The following RIMS2 variants were observed in gnomAD, a reference collection of about 807,000 sequenced individuals.
The protein encoded by RIMS2 is regulating synaptic membrane exocytosis 2.
In RIMS2, 59 loss-of-function variants were observed where a neutral mutation model predicts 174.4. That is an observed-to-expected ratio of 0.34 (90% CI 0.27 to 0.42). The LOEUF (loss-of-function observed/expected upper bound fraction) is 0.42, where lower values mean the gene tolerates loss of function less well. Among genes scored for constraint, RIMS2 ranks in the 10% least tolerant of loss-of-function variants. The pLI, the probability that RIMS2 is intolerant of heterozygous loss-of-function variation, is 1.00. For missense variants in RIMS2, 1,620 were observed against 1,666.3 expected (o/e 0.97, Z 0.48); for synonymous variants, 606 against 572.5 (o/e 1.06, Z -0.84).
At chr8:103,992,568 A>T (rs549766887) in intron 17 of RIMS2, among the ~76,000 whole-genome samples, 16 of 152,294 alleles carry the variant, frequency 1.1e-4, no homozygotes, top group African/African-American at 3.8e-4. Flanking sequence ...GTGAGAAAAG[A>T]TGCTATTTGA....
At chr8:103,861,153 C>T (rs1260817747) in intron 3 of RIMS2, among the ~76,000 whole-genome samples, 1 of 145,682 alleles carries the variant, frequency 6.9e-6, no homozygotes, top group African/African-American at 2.5e-5. Context: ...TTTAGGGTCC[C>T]CAGTGTTTAT....
intron 11 of RIMS2, among the ~76,000 whole-genome samples, chr8:103,930,800 T>C (rs774964215): frequency 5.3e-5 from 8 of 152,144 alleles, no homozygotes; most frequent in Non-Finnish European, 1.2e-4. Context: ...TAAATGTTTT[T>C]AACTGTGAAA....
At chr8:103,780,046 G>A (rs1441685496) in intron 3 of RIMS2, among the ~76,000 whole-genome samples, 1 of 152,068 alleles carries the variant, frequency 6.6e-6, no homozygotes, top group Non-Finnish European at 1.5e-5. Flanking sequence ...AGTACATTTT[G>A]AAGTTAGGTA....
At chr8:103,834,036 G>A (rs779021407) in intron 3 of RIMS2, among the ~76,000 whole-genome samples, 9 of 152,006 alleles carry the variant, frequency 5.9e-5, no homozygotes, top group African/African-American at 9.7e-5. Context: ...TTGAGACAGA[G>A]TCTTACTCTG....
rs187664234 is a variant in RIMS2, at chr8:103,718,141, A to G, written c.387+20845A>G. ...GAGTATACTTGCTAGTCCCAATCGT[A>G]TCTAATGCCAAGGAGGATAATAGGC... On this transcript the variant is annotated intron_variant, in intron 2 of 23. Coordinates refer to ENST00000504942, the Ensembl canonical transcript of RIMS2. Among the ~76,000 whole-genome samples the G allele has an allele frequency of 1.1e-4, 17 of 152,266 alleles. No individual in the cohort carries two copies. The East Asian group carries it at 3.3e-3, about 29-fold the overall frequency.
chr8:103,519,808 G>C (rs184660124), intron 1 of RIMS2, among the ~76,000 whole-genome samples: 97 of 149,794 alleles, frequency 6.5e-4, no homozygotes, highest in Admixed American at 1.2e-3. Context: ...ACTCAGGCTG[G>C]CTCCTGTAAC....
intron 2 of RIMS2, among the ~76,000 whole-genome samples, chr8:103,751,886 AT>A (rs1249347383): frequency 7.2e-5 from 11 of 151,822 alleles, no homozygotes; most frequent in African/African-American, 2.4e-4. Context: ...ATTTTCTCCC[AT>A]TTTGTAGGTT....
At chr8:104,138,565 A>G (rs1192811141) in intron 19 of RIMS2, among the ~76,000 whole-genome samples, 3 of 152,120 alleles carry the variant, frequency 2.0e-5, no homozygotes, top group Admixed American at 6.6e-5. Context: ...TGCCATTTGT[A>G]TGTCTTCTTT....
rs1262806707 is a variant in RIMS2, at chr8:103,946,936, A to C, written c.2701+4010A>C. 6.6e-5 allele frequency among the ~76,000 whole-genome samples: 10 copies of C among 152,222 alleles called. No individual in the cohort carries two copies. The East Asian group carries it at 1.9e-3, about 29-fold the overall frequency. ...TGAACCTAATTTAGAATTAAAAATT[A>C]TATTCATGGTCAGTTGATTCTCAAC... On this transcript the variant is annotated intron_variant, in intron 14 of 23. Coordinates refer to ENST00000504942, the Ensembl canonical transcript of RIMS2.
intron 14 of RIMS2, among the ~76,000 whole-genome samples, chr8:103,959,304 TA>T (rs2088911423): frequency 6.6e-6 from 1 of 152,216 alleles, no homozygotes. Context: ...TATTATTTTT[TA>T]TTTTTTGTAT....
chr8:104,150,284 AATTCC>A, intron 19 of RIMS2, among the ~76,000 whole-genome samples: 1 of 152,366 alleles, frequency 6.6e-6, no homozygotes, highest in East Asian at 1.9e-4. Context: ...CTAAATAATT[AATTCC>A]ATTCACTCAG....
At chr8:103,517,688 A>G (rs533416251) in intron 1 of RIMS2, among the ~76,000 whole-genome samples, 6 of 152,250 alleles carry the variant, frequency 3.9e-5, no homozygotes, top group African/African-American at 1.2e-4. Flanking sequence ...TGCCTACCTG[A>G]TACCCCTGTG....
chr8:104,174,544 G>A (rs1452822512), intron 19 of RIMS2, among the ~76,000 whole-genome samples: 1 of 152,170 alleles, frequency 6.6e-6, no homozygotes, highest in Non-Finnish European at 1.5e-5. Flanking sequence ...AGCAGGAGAA[G>A]TGATAGTCAT....
intron 4 of RIMS2, among the ~76,000 whole-genome samples, chr8:103,903,443 T>C (rs2073666241): frequency 6.8e-6 from 1 of 147,774 alleles, no homozygotes; most frequent in South Asian, 2.1e-4. Flanking sequence ...TATAAAATAG[T>C]TAATGAACTA....
chr8:103,660,005 GAGAT>G (rs2096578637), intron 1 of RIMS2, among the ~76,000 whole-genome samples: 1 of 152,240 alleles, frequency 6.6e-6, no homozygotes, highest in African/African-American at 2.4e-5. Flanking sequence ...GGCCGCACCT[GAGAT>G]TTTCTACCAA....
rs550433785 is a variant in RIMS2, at chr8:104,015,797, C to T, written c.3334+1182C>T. Among the ~76,000 whole-genome samples the T allele has an allele frequency of 4.6e-5, 7 of 152,124 alleles. No individual in the cohort carries two copies. The South Asian group carries it at 8.3e-4, about 18-fold the overall frequency. ...AACCAAAGATATCAATTGCAGTCTA[C>T]GTTTACATCATTGAGGATGTACACA... On this transcript the variant is annotated intron_variant, in intron 19 of 23. Coordinates refer to ENST00000504942, the Ensembl canonical transcript of RIMS2.
intron 15 of RIMS2, among the ~76,000 whole-genome samples, chr8:103,964,433 A>T (rs1281259175): frequency 6.6e-6 from 1 of 152,002 alleles, no homozygotes; most frequent in Admixed American, 6.6e-5. Context: ...ACATCTTTTC[A>T]TATGCTTATT....
At chr8:103,900,236 C>T (rs1004522229) in intron 4 of RIMS2, among the ~76,000 whole-genome samples, 5 of 151,500 alleles carry the variant, frequency 3.3e-5, no homozygotes, top group Non-Finnish European at 7.4e-5. Flanking sequence ...TTTGTTTGTT[C>T]GTTTGAGATA....
chr8:104,068,572 C>G, intron 19 of RIMS2: 1 of 1,571,246 alleles, frequency 6.4e-7, no homozygotes, highest in Non-Finnish European at 8.6e-7. Context: ...AAACAGGTAG[C>G]CGGATCAGAT....
Sources: allele counts gnomAD v4.1 joint callset (sites outside exome capture counted in the v4.1 genomes callset), GRCh38; gene constraint gnomAD v4.1.1; transcripts MANE v1.5; gene names NCBI Gene and HGNC (gene_info 2026-07-23, HGNC 2026-07-21).